The following CDH4 variants were observed in gnomAD, a reference collection of about 807,000 sequenced individuals.
CDH4 encodes cadherin 4.
CDH4 carries 33 observed loss-of-function variants against 86.0 expected under a neutral mutation model. The ratio of observed to expected loss-of-function variants is 0.38; its 90% CI spans 0.29 to 0.51. The LOEUF (loss-of-function observed/expected upper bound fraction) is 0.51. Among genes scored for constraint, CDH4 ranks in the 20% least tolerant of loss-of-function variants. The probability of loss-of-function intolerance (pLI) is 0.86; values close to 1 mark genes in which losing one functional copy is unlikely to be tolerated. For missense variants in CDH4, 1,114 were observed against 1,307.4 expected (o/e 0.85, Z 2.28); for synonymous variants, 555 against 549.4 (o/e 1.01, Z -0.14).
chr20:61,293,383 T>C (rs1361078722), intron 2 of CDH4, among the ~76,000 whole-genome samples: 2 of 152,006 alleles, frequency 1.3e-5, no homozygotes, highest in African/African-American at 4.8e-5. Flanking sequence ...TCTGGTCCCA[T>C]GGGTTCACAG....
At chr20:61,656,230 TGCTGGGGTG>T in intron 2 of CDH4, among the ~76,000 whole-genome samples, 1 of 100,542 alleles carries the variant, frequency 9.9e-6, no homozygotes, top group Non-Finnish European at 2.2e-5. Flanking sequence ...GGCAGGCGCG[TGCTGGGGTG>T]GGCAGGCGCG....
At chr20:61,330,580 C>T (rs189587212) in intron 2 of CDH4, among the ~76,000 whole-genome samples, 20 of 152,310 alleles carry the variant, frequency 1.3e-4, no homozygotes, top group Admixed American at 2.0e-4. Flanking sequence ...GAAAAGTATC[C>T]GCATGTCCTG....
At chr20:61,465,100 G>A (rs2085465348) in intron 2 of CDH4, among the ~76,000 whole-genome samples, 1 of 152,184 alleles carries the variant, frequency 6.6e-6, no homozygotes, top group Non-Finnish European at 1.5e-5. Flanking sequence ...CCGTCCACAG[G>A]GACTTTGATC....
chr20:61,882,649 TGCG>T lies in CDH4; in HGVS notation c.1050+8752_1050+8754del, dbSNP rs551708629. On this transcript the variant is annotated intron_variant, in intron 7 of 15. Coordinates refer to ENST00000614565, the MANE Select transcript of CDH4 (RefSeq NM_001794.5). ...CCAGGATGCTCCCTGAGTCACTGTG[TGCG>T]GCTGTTTTCCCTGCCGTAGAGAAAT... 2.3e-4 allele frequency among the ~76,000 whole-genome samples: 35 copies of T among 152,236 alleles called. 1 individual carries two copies. The South Asian group carries it at 7.1e-3, about 31-fold the overall frequency.
chr20:61,673,283 C>T (rs1211411842), intron 2 of CDH4, among the ~76,000 whole-genome samples: 1 of 152,150 alleles, frequency 6.6e-6, no homozygotes, highest in Admixed American at 6.5e-5. Context: ...CTTCGGAGCC[C>T]CTGAATCTCA....
intron 2 of CDH4, among the ~76,000 whole-genome samples, chr20:61,469,294 A>G (rs2085489524): frequency 6.6e-6 from 1 of 152,144 alleles, no homozygotes; most frequent in South Asian, 2.1e-4. Context: ...TTAGATTTGC[A>G]TTTCTGTGAT....
At chr20:61,482,243 C>T (rs1053915618) in intron 2 of CDH4, among the ~76,000 whole-genome samples, 2 of 152,220 alleles carry the variant, frequency 1.3e-5, no homozygotes, top group African/African-American at 4.8e-5. Flanking sequence ...ACGGAGGGAT[C>T]CTGGCATGAA....
intron 2 of CDH4, among the ~76,000 whole-genome samples, chr20:61,521,247 C>G (rs1482162570): frequency 6.6e-6 from 1 of 152,184 alleles, no homozygotes; most frequent in African/African-American, 2.4e-5. Flanking sequence ...GGGAGCGGGT[C>G]TGTGCTCACA....
chr20:61,854,309 G>A (rs904663357), intron 6 of CDH4, among the ~76,000 whole-genome samples: 11 of 152,204 alleles, frequency 7.2e-5, no homozygotes, highest in Admixed American at 6.5e-4. Flanking sequence ...CCTGCTCGTG[G>A]AGGTGGCTGC....
intron 2 of CDH4, among the ~76,000 whole-genome samples, chr20:61,664,627 T>G (rs918032181): frequency 3.3e-5 from 5 of 152,138 alleles, no homozygotes; most frequent in African/African-American, 1.2e-4. Context: ...CACGAACACT[T>G]CTACTCCCTG....
chr20:61,358,486 C>T (rs1430168385), intron 2 of CDH4, among the ~76,000 whole-genome samples: 2 of 152,210 alleles, frequency 1.3e-5, no homozygotes, highest in East Asian at 1.9e-4. Flanking sequence ...TGAATGAAAG[C>T]TGAATAAACT....
intron 2 of CDH4, among the ~76,000 whole-genome samples, chr20:61,698,168 C>T (rs1282874216): frequency 6.6e-6 from 1 of 152,212 alleles, no homozygotes; most frequent in Non-Finnish European, 1.5e-5. Context: ...TGCACGGGCT[C>T]CACTCCGGAC....
chr20:61,466,525 A>C (rs1278205508), intron 2 of CDH4, among the ~76,000 whole-genome samples: 1 of 152,146 alleles, frequency 6.6e-6, no homozygotes, highest in African/African-American at 2.4e-5. Context: ...CAGCACCCTC[A>C]TTTTGGTTCT....
At chr20:61,528,136 G>GAAGTC in intron 2 of CDH4, among the ~76,000 whole-genome samples, 1 of 151,976 alleles carries the variant, frequency 6.6e-6, no homozygotes, top group Non-Finnish European at 1.5e-5. Context: ...AGCACTTTGG[G>GAAGTC]AGGCTGAGGT....
At chr20:61,664,622 A>T (rs780385423) in intron 2 of CDH4, among the ~76,000 whole-genome samples, 4 of 152,200 alleles carry the variant, frequency 2.6e-5, no homozygotes, top group Non-Finnish European at 5.9e-5. Flanking sequence ...CCTCACACGA[A>T]CACTTCTACT....
chr20:61,424,344 ACACT>A (rs915396996), intron 2 of CDH4, among the ~76,000 whole-genome samples: 2 of 149,388 alleles, frequency 1.3e-5, no homozygotes, highest in Admixed American at 6.7e-5. Context: ...GTATCCAAAC[ACACT>A]CATATCCACA....
chr20:61,712,046 G>A (rs1210802537), intron 2 of CDH4, among the ~76,000 whole-genome samples: 2 of 151,556 alleles, frequency 1.3e-5, no homozygotes, highest in Admixed American at 6.6e-5. Context: ...CAGGAGAGAG[G>A]GAGGCTGGAG....
intron 2 of CDH4, among the ~76,000 whole-genome samples, chr20:61,556,248 C>A (rs932815992): frequency 6.7e-6 from 1 of 148,488 alleles, no homozygotes; most frequent in African/African-American, 2.5e-5. Context: ...TGGGCAAATG[C>A]AGGCTTTGTC....
intron 2 of CDH4, among the ~76,000 whole-genome samples, chr20:61,717,199 A>G (rs1172659393): frequency 6.6e-6 from 1 of 152,176 alleles, no homozygotes. Flanking sequence ...ACTTGTCCCC[A>G]CTGCTGCTGC....
Sources: allele counts gnomAD v4.1 joint callset (sites outside exome capture counted in the v4.1 genomes callset), GRCh38; gene constraint gnomAD v4.1.1; transcripts MANE v1.5; gene names NCBI Gene and HGNC (gene_info 2026-07-23, HGNC 2026-07-21).